The following PTPRF variants were observed in gnomAD, a reference collection of about 807,000 sequenced individuals.
PTPRF encodes the protein protein tyrosine phosphatase receptor type F.
PTPRF carries 59 observed loss-of-function variants against 201.8 expected under a neutral mutation model. The observed-to-expected ratio is 0.29, with a 90% CI of 0.24 to 0.36. The LOEUF is 0.36. Among genes scored for constraint, PTPRF ranks in the 10% least tolerant of loss-of-function variants. The probability of loss-of-function intolerance (pLI) is 1.00; values close to 1 mark genes in which losing one functional copy is unlikely to be tolerated. For missense variants in PTPRF, 2,132 were observed against 2,690.5 expected (o/e 0.79, Z 4.59); for synonymous variants, 1,088 against 1,089.7 (o/e 1.00, Z 0.03).
chr1:43,589,090 A>G, intron 8 of PTPRF, 90 bp downstream of exon 8: 1 of 1,402,764 alleles, frequency 7.1e-7, no homozygotes, highest in Non-Finnish European at 9.4e-7. Context: ...CCATGGGCAC[A>G]GGCATGGCTG....
At chr1:43,536,925 A>G (rs922309918) in intron 1 of PTPRF, among the ~76,000 whole-genome samples, 2 of 152,184 alleles carry the variant, frequency 1.3e-5, no homozygotes, top group African/African-American at 4.8e-5. Flanking sequence ...CTTGAGGGTA[A>G]TTCCCAGGTG....
chr1:43,526,393 G>C (rs77339376), upstream of PTPRF, among the ~76,000 whole-genome samples: 827 of 152,122 alleles, frequency 5.4e-3, 7 homozygotes, highest in Non-Finnish European at 8.1e-3. Context: ...CCAGGAGTTC[G>C]AGATCAGCCT....
chr1:43,526,344 C>T (rs928162551), upstream of PTPRF, among the ~76,000 whole-genome samples: 5 of 152,250 alleles, frequency 3.3e-5, no homozygotes, highest in East Asian at 7.7e-4. Context: ...GCTGTAATCC[C>T]AGCGCTTTGG....
intron 5 of PTPRF, among the ~76,000 whole-genome samples, chr1:43,563,434 C>T (rs552702614): frequency 9.9e-5 from 15 of 152,042 alleles, no homozygotes; most frequent in African/African-American, 3.6e-4. Context: ...CCTGGCACTC[C>T]GGGGGACATC....
At chr1:43,606,134 G>A in intron 19 of PTPRF, 106 bp from the exon 20 acceptor site, 2 of 1,279,796 alleles carry the variant, frequency 1.6e-6, no homozygotes. Flanking sequence ...TGACACGGAA[G>A]GTGAGCCTTG....
Position 43,618,672 on chromosome 1 carries a change from T to C in PTPRF, c.4414T>C (p.Cys1472Arg). Residue 1472 changes from cysteine to arginine, a missense_variant, in exon 26 of 34, where the codon TGT becomes CGT. This residue lies in a region of PTPRF where 519 missense variants were observed against 659.5 expected (regional missense o/e 0.79). Transcript: ENST00000359947. ...QYWPARGTETCGLIQVTLLDT... is the reference protein window; with the variant it reads ...QYWPARGTETRGLIQVTLLDT... ...CTGGCCAGCCCGTGGCACCGAGACC[T>C]GTGGCCTTATTCAGGTGACCCTGTT... 1 of 1,612,590 alleles carries C rather than the reference T, an allele frequency of 6.2e-7. No individual in the cohort carries two copies. Among genetic ancestry groups the C allele is most frequent in the Non-Finnish European group, 8.5e-7 (1 of 1,178,768 alleles).
At chr1:43,565,865 C>G (rs1486856212) in intron 5 of PTPRF, among the ~76,000 whole-genome samples, 2 of 152,146 alleles carry the variant, frequency 1.3e-5, no homozygotes, top group African/African-American at 2.4e-5. Flanking sequence ...CTCGGGCACA[C>G]GCAGCCCTTC....
rs144156070 is a variant in PTPRF at position 43,603,977 on chromosome 1, C to T, written c.2825C>T (p.Ala942Val). Residue 942 changes from alanine (A) to valine (V), a missense_variant, in exon 16 of 34, where the codon GCG becomes GTG. Coordinates refer to ENST00000359947, the MANE Select transcript of PTPRF (RefSeq NM_002840.5). The surrounding 1 kb of genome is among the most constrained non-coding windows in gnomAD (Gnocchi z 5.8). ...TELAWDPPVL[A>V]ERNGRIISYT... is the part of the protein sequence containing the mutation. ...CTGGCCTGGGACCCGCCAGTGCTGG[C>T]GGAGAGGAACGGGCGCATCATCAGC... The T allele has an allele frequency of 4.6e-4, 737 of 1,614,180 alleles. 8 individuals are homozygous for T. In the Admixed American group the frequency reaches 0.011, roughly 25 times the overall value.
intron 23 of PTPRF, among the ~76,000 whole-genome samples, chr1:43,614,056 C>T (rs1657132863): frequency 6.6e-6 from 1 of 152,214 alleles, no homozygotes; most frequent in African/African-American, 2.4e-5. Flanking sequence ...GTGATAACAG[C>T]CACAGTAGCT....
In PTPRF at chr1:43,583,116, C is replaced by T. The variant is rs1022587833; in HGVS notation, c.679+4196C>T. On this transcript the variant is annotated intron_variant, in intron 7 of 33. Coordinates refer to ENST00000359947, the MANE Select transcript of PTPRF (RefSeq NM_002840.5). ...AAGGTTGGTCCTTTTCACTTCTTAT[C>T]CATCTACAGTTCGCCCATCGATGGG... 3.8e-5 allele frequency: 37 copies of T among 984,584 alleles called. 1 individual carries two copies. Among genetic ancestry groups the T allele is most frequent in the Non-Finnish European group, 4.1e-5 (34 of 828,848 alleles). 61.0% of individuals were successfully genotyped at this position (984,584 alleles called of 1,614,324 possible). A position where few individuals can be genotyped will look rare whatever the true frequency, so the allele number is the denominator to read the frequency against.
chr1:43,529,536 G>A (rs574294959), upstream of PTPRF, among the ~76,000 whole-genome samples: 65 of 152,320 alleles, frequency 4.3e-4, no homozygotes, highest in African/African-American at 1.5e-3. Context: ...AAACCCCACA[G>A]AGGAGAAACC....
chr1:43,590,835 C>T (rs1449806991), intron 8 of PTPRF, 137 bp from the exon 9 acceptor site: 1 of 856,436 alleles, frequency 1.2e-6, no homozygotes, highest in Non-Finnish European at 1.8e-6. Context: ...GCTTTTCCAG[C>T]CATTTTTCAA....
rs1054813168 is a variant in PTPRF, at chr1:43,588,611, C to T, written c.680-120C>T. ...CTGGGGTCTGGCGGTGCCACCCCTC[C>T]TGTCTCTGAGCATGGGTTTGGCTCT... On this transcript the variant is annotated intron_variant, in intron 7 of 33. Coordinates refer to ENST00000359947, the MANE Select transcript of PTPRF (RefSeq NM_002840.5). The surrounding 1 kb of genome is among the most constrained non-coding windows in gnomAD (Gnocchi z 5.3). 1.5e-6 allele frequency: 2 copies of T among 1,334,136 alleles called. No homozygotes were observed. Among genetic ancestry groups the T allele is most frequent in the African/African-American group, 2.9e-5 (2 of 68,028 alleles). 82.6% of individuals were successfully genotyped at this position (1,334,136 alleles called of 1,614,324 possible). A position where few individuals can be genotyped will look rare whatever the true frequency, so the allele number is the denominator to read the frequency against.
chr1:43,589,939 T>C (rs1283237900), intron 8 of PTPRF, among the ~76,000 whole-genome samples: 1 of 151,994 alleles, frequency 6.6e-6, no homozygotes, highest in Non-Finnish European at 1.5e-5. Context: ...CCATTATCTG[T>C]TTTGCAGCTT....
At chr1:43,595,185 G>T (rs922977600) in intron 11 of PTPRF, among the ~76,000 whole-genome samples, 2 of 152,088 alleles carry the variant, frequency 1.3e-5, no homozygotes, top group Admixed American at 6.6e-5. Context: ...GGAGCTGAGG[G>T]TGGGATTTTG....
intron 7 of PTPRF, among the ~76,000 whole-genome samples, chr1:43,580,786 G>T (rs1008566354): frequency 3.3e-5 from 5 of 152,368 alleles, no homozygotes; most frequent in African/African-American, 1.2e-4. Context: ...AGGGTCGAGA[G>T]TGGCAGTTCC....
At chr1:43,584,929 C>T (rs762441088) in intron 7 of PTPRF, among the ~76,000 whole-genome samples, 9 of 152,272 alleles carry the variant, frequency 5.9e-5, no homozygotes, top group East Asian at 1.9e-4. Context: ...TGCCTCTGGG[C>T]GCCGCACCGC....
At chr1:43,543,226 G>A (rs1222339595) in intron 2 of PTPRF, among the ~76,000 whole-genome samples, 1 of 152,224 alleles carries the variant, frequency 6.6e-6, no homozygotes, top group Admixed American at 6.5e-5. Context: ...CCTGATGGCC[G>A]CTGGGAAGGT....
chr1:43,580,794 T>C (rs1647391056), intron 7 of PTPRF, among the ~76,000 whole-genome samples: 1 of 152,222 alleles, frequency 6.6e-6, no homozygotes, highest in Non-Finnish European at 1.5e-5. Flanking sequence ...GAGTGGCAGT[T>C]CCAGGCCTCA....
Sources: allele counts gnomAD v4.1 joint callset (sites outside exome capture counted in the v4.1 genomes callset), GRCh38; gene constraint gnomAD v4.1.1; regional missense constraint gnomAD v4.1.1; non-coding constraint Gnocchi (gnomAD v3.1); transcripts MANE v1.5; gene names NCBI Gene and HGNC (gene_info 2026-07-23, HGNC 2026-07-21).